ABTB2: variants seen among roughly 807,000 people sequenced by gnomAD.
ABTB2 encodes ankyrin repeat and BTB/POZ domain-containing protein 2.
Under a neutral mutation model 104.1 loss-of-function variants are expected in ABTB2, and 56 were observed. That is an observed-to-expected ratio of 0.54 (90% CI 0.43 to 0.67). ABTB2 has a LOEUF of 0.67. Among genes scored for constraint, ABTB2 ranks in the 30% least tolerant of loss-of-function variants. The pLI, the probability that ABTB2 is intolerant of heterozygous loss-of-function variation, is 0.00. For synonymous variants in ABTB2, 606 were observed against 608.2 expected, an observed-to-expected ratio of 1.00 and a Z score of 0.05; for missense variants, 1,279 against 1,407.7, an observed-to-expected ratio of 0.91 and a Z score of 1.46.
At chr11:34,305,820 G>A (rs1854764834) in intron 1 of ABTB2, among the ~76,000 whole-genome samples, 1 of 152,120 alleles carries the variant, frequency 6.6e-6, no homozygotes, top group South Asian at 2.1e-4. Context: ...TTTGAAAGTT[G>A]CAAACACATG....
Position 34,317,716 on chromosome 11 carries a change from G to A in ABTB2, c.883+38985C>T, listed in dbSNP as rs540859220. 3.5e-5 allele frequency among the ~76,000 whole-genome samples: 5 copies of A among 144,418 alleles called. No homozygotes were observed. The South Asian group carries it at 1.1e-3, about 31-fold the overall frequency. 94.7% of individuals were successfully genotyped at this position (144,418 alleles called of 152,430 possible). On this transcript the variant is annotated intron_variant, in intron 1 of 16. Coordinates refer to ENST00000435224, the MANE Select transcript of ABTB2 (RefSeq NM_145804.3). ...GGCGGAGGTTGCAGTGCACCAAGAT[G>A]TTGTCACCACATTCCAGCCCAGGCA...
chr11:34,154,458 G>T lies in ABTB2; in HGVS notation c.2767-80C>A. The T allele has an allele frequency of 9.4e-7, 1 of 1,063,508 alleles. No homozygotes were observed. Among genetic ancestry groups the T allele is most frequent in the Non-Finnish European group, 1.4e-6 (1 of 713,164 alleles). The allele number at this position is 1,063,508 out of a possible 1,614,324, so 65.9% of individuals were successfully genotyped here. A position where few individuals can be genotyped will look rare whatever the true frequency, so the allele number is the denominator to read the frequency against. On this transcript the variant is annotated intron_variant, in intron 15 of 16. Coordinates refer to ENST00000435224, the MANE Select transcript of ABTB2 (RefSeq NM_145804.3). The surrounding 1 kb of genome is among the most constrained non-coding windows in gnomAD (Gnocchi z 4.9). ...ACAGCACCGAACAGAAAGCTCCCGA[G>T]TGCCGTGTGCCCTGCTGCCTCCACC... is the stretch of plus-strand genomic sequence containing the variant.
chr11:34,163,232 G>A (rs557942140), intron 9 of ABTB2, among the ~76,000 whole-genome samples: 1 of 152,304 alleles, frequency 6.6e-6, no homozygotes, highest in African/African-American at 2.4e-5. Context: ...AACACAGCAG[G>A]TCTTTCTAAA....
At chr11:34,242,727 C>T (rs565369541) in intron 1 of ABTB2, among the ~76,000 whole-genome samples, 85 of 152,236 alleles carry the variant, frequency 5.6e-4, no homozygotes, top group African/African-American at 2.0e-3. Flanking sequence ...ACAGATCTAA[C>T]TAATCACCAC....
chr11:34,176,039 T>C (rs1194441964), intron 3 of ABTB2, among the ~76,000 whole-genome samples: 1 of 152,174 alleles, frequency 6.6e-6, no homozygotes. Flanking sequence ...CCCAGCACTT[T>C]GGTAGGCTGA....
At chr11:34,199,351 C>T (rs554465773) in intron 2 of ABTB2, among the ~76,000 whole-genome samples, 2 of 152,242 alleles carry the variant, frequency 1.3e-5, no homozygotes, top group African/African-American at 2.4e-5. Context: ...TCATCCATAC[C>T]GTTGGAGTTC....
intron 1 of ABTB2, among the ~76,000 whole-genome samples, chr11:34,355,728 GT>G (rs1264822815): frequency 2.0e-5 from 3 of 152,152 alleles, no homozygotes; most frequent in Non-Finnish European, 2.9e-5. Flanking sequence ...ATTCTGAACA[GT>G]TTATGGTGCT....
chr11:34,162,934 T>C, intron 9 of ABTB2, 129 bp from the exon 10 acceptor site: 2 of 860,348 alleles, frequency 2.3e-6, no homozygotes, highest in Admixed American at 2.6e-5. Context: ...AGTTTCATGG[T>C]CTTCCTCCTC....
At chr11:34,186,267 G>A (rs1167923183) in intron 3 of ABTB2, among the ~76,000 whole-genome samples, 1 of 152,222 alleles carries the variant, frequency 6.6e-6, no homozygotes, top group Non-Finnish European at 1.5e-5. Flanking sequence ...GTCAAAGCGG[G>A]GAGGGGCAAG....
intron 1 of ABTB2, among the ~76,000 whole-genome samples, chr11:34,351,771 G>A (rs7947362): frequency 0.042 from 6,313 of 152,104 alleles, 306 homozygotes; most frequent in East Asian, 0.19. Context: ...ACACAAGCAG[G>A]AAATGATTTA....
intron 1 of ABTB2, among the ~76,000 whole-genome samples, chr11:34,268,593 C>T (rs1051381819): frequency 1.3e-5 from 2 of 152,206 alleles, no homozygotes; most frequent in Non-Finnish European, 2.9e-5. Context: ...GCTGCACCGG[C>T]AGGGTGGGCC....
chr11:34,294,509 C>T (rs1470500865), intron 1 of ABTB2, among the ~76,000 whole-genome samples: 1 of 152,108 alleles, frequency 6.6e-6, no homozygotes, highest in Non-Finnish European at 1.5e-5. Flanking sequence ...CAATGCTTCC[C>T]AGGAGTATCG....
At chr11:34,333,000 T>C (rs368351656) in intron 1 of ABTB2, among the ~76,000 whole-genome samples, 3 of 152,194 alleles carry the variant, frequency 2.0e-5, no homozygotes, top group African/African-American at 7.2e-5. Flanking sequence ...TGGCCATTCA[T>C]AAACAAACAG....
At chr11:34,278,292 G>T (rs1590239187) in intron 1 of ABTB2, among the ~76,000 whole-genome samples, 1 of 152,142 alleles carries the variant, frequency 6.6e-6, no homozygotes, top group Admixed American at 6.5e-5. Flanking sequence ...AAGGGAAAAA[G>T]ATGCTCATGG....
At position 34,357,725 on chromosome 11, in the gene ABTB2, G is replaced by T; in HGVS notation, c.-142C>A. 2 of 990,186 alleles carry T rather than the reference G, an allele frequency of 2.0e-6. No homozygotes were observed. Among genetic ancestry groups the T allele is most frequent in the Non-Finnish European group, 2.7e-6 (2 of 729,982 alleles). 61.3% of individuals were successfully genotyped at this position (990,186 alleles called of 1,614,324 possible). A position where few individuals can be genotyped will look rare whatever the true frequency, so the allele number is the denominator to read the frequency against. ...CGTCGCGGGGCTCGGCGGCCGCATTGCCTGCCCGGAGGCCGCGGGAAGGTG... is the reference window on the plus strand; with the variant it reads ...CGTCGCGGGGCTCGGCGGCCGCATTTCCTGCCCGGAGGCCGCGGGAAGGTG... On this transcript the variant is annotated 5_prime_UTR_variant, in exon 1 of 17. Coordinates refer to ENST00000435224, the MANE Select transcript of ABTB2 (RefSeq NM_145804.3).
At chr11:34,198,454 C>A (rs11301167) in intron 2 of ABTB2, among the ~76,000 whole-genome samples, 108,116 of 142,908 alleles carry the variant, frequency 0.76, 38,787 homozygotes, top group Middle Eastern at 0.82. Context: ...ACAACAACAA[C>A]AAAAAAAAAC....
chr11:34,198,441 CA>C (rs1489314225), intron 2 of ABTB2, among the ~76,000 whole-genome samples: 2 of 97,214 alleles, frequency 2.1e-5, no homozygotes, highest in Non-Finnish European at 4.4e-5. Context: ...AAAAAACAAA[CA>C]AACAACAACA....
intron 3 of ABTB2, among the ~76,000 whole-genome samples, chr11:34,196,130 T>C (rs114920287): frequency 0.015 from 2,351 of 152,244 alleles, 50 homozygotes; most frequent in African/African-American, 0.054. Flanking sequence ...TTACCTTAAG[T>C]GGCCAAGCAG....
chr11:34,257,047 A>C (rs1824853633), intron 1 of ABTB2, among the ~76,000 whole-genome samples: 1 of 152,238 alleles, frequency 6.6e-6, no homozygotes, highest in South Asian at 2.1e-4. Context: ...AACTTATTTA[A>C]GAAATATTAA....
Sources: allele counts gnomAD v4.1 joint callset (sites outside exome capture counted in the v4.1 genomes callset), GRCh38; gene constraint gnomAD v4.1.1; non-coding constraint Gnocchi (gnomAD v3.1); transcripts MANE v1.5; gene names NCBI Gene and HGNC (gene_info 2026-07-23, HGNC 2026-07-21).